The following FRMPD3 variants were observed in gnomAD, a reference collection of about 807,000 sequenced individuals.
The protein encoded by FRMPD3 is FERM and PDZ domain containing 3.
In FRMPD3, 42 loss-of-function variants were observed where a neutral mutation model predicts 97.9. The ratio of observed to expected loss-of-function variants is 0.43; its 90% CI spans 0.34 to 0.55. The LOEUF (loss-of-function observed/expected upper bound fraction) is 0.55. Ranked by LOEUF, FRMPD3 falls within the 20% of genes least tolerant of loss-of-function variation. The pLI, the probability that FRMPD3 is intolerant of heterozygous loss-of-function variation, is 0.03. For synonymous variants in FRMPD3, 577 were observed against 581.1 expected (o/e 0.99, Z 0.10); for missense variants, 1,303 against 1,457.7 (o/e 0.89, Z 1.73).
intron 1 of FRMPD3, among the ~76,000 whole-genome samples, chrX:107,485,981 T>C (rs894579507): frequency 1.8e-5 from 2 of 112,130 alleles, no homozygotes; most frequent in Non-Finnish European, 1.9e-5. Flanking sequence ...GCCTTTGTCT[T>C]CTCTGGCCGC....
chrX:107,526,647 G>A lies in FRMPD3; in HGVS notation c.59G>A (p.Arg20Gln), dbSNP rs1922708967. Residue 20 changes from arginine to glutamine, a missense_variant, in exon 2 of 15, where the codon CGA becomes CAA. Arg to Gln is a conservative substitution (Grantham distance 43). This residue lies in a region of FRMPD3 where 535 missense variants were observed against 618.6 expected (regional missense o/e 0.86). Transcript: ENST00000683843. ...GAGCAGCTGCCAGCAGAGATACTGC[G>A]ACAAGTGACCGTTCACCGAGACCCT... The part of the protein sequence containing the change: ...ECEQLPAEIL[R>Q]QVTVHRDPIY... 2.5e-6 allele frequency: 3 copies of A among 1,207,694 alleles called. No individual in the cohort carries two copies. The highest frequency in any genetic ancestry group is 4.4e-5 in the Admixed American group (2 of 45,852).
intron 1 of FRMPD3, among the ~76,000 whole-genome samples, chrX:107,462,592 T>C (rs1262115229): frequency 8.9e-6 from 1 of 111,955 alleles, no homozygotes; most frequent in Non-Finnish European, 1.9e-5. Context: ...GCTGAAAGCT[T>C]AGGGTGCAAA....
chrX:107,595,948 A>AAAAAGAAAAG lies in FRMPD3; in HGVS notation c.1442-1359_1442-1350dup, dbSNP rs774500644. ...GTGAGACTCCGTCTCAAAAAAAAAA[A>AAAAAGAAAAG]AAAAGAAAAGAAAAGAAAAGAAAGA... On this transcript the variant is annotated intron_variant, in intron 13 of 14. Transcript: ENST00000683843. Among the ~76,000 whole-genome samples, 16 of 110,554 alleles carry AAAAAGAAAAG rather than the reference A, an allele frequency of 1.4e-4. 1 individual carries two copies. Among genetic ancestry groups the AAAAAGAAAAG allele is most frequent in the Admixed American group, 2.9e-4 (3 of 10,373 alleles).
chrX:107,537,171 G>T (rs767332853), intron 4 of FRMPD3, among the ~76,000 whole-genome samples: 8 of 111,247 alleles, frequency 7.2e-5, no homozygotes, highest in Non-Finnish European at 1.5e-4. Context: ...TTACTGCCCC[G>T]TGGACTTTTG....
chrX:107,573,137 C>T (rs1922968850), intron 12 of FRMPD3, among the ~76,000 whole-genome samples: 2 of 111,380 alleles, frequency 1.8e-5, no homozygotes, highest in South Asian at 3.7e-4. Flanking sequence ...AGGCAGCTTG[C>T]GGCCAAAGGC....
chrX:107,600,979 C>A lies in FRMPD3; in HGVS notation c.2940C>A (p.Pro980=), dbSNP rs746823073. 7.5e-6 allele frequency: 9 copies of A among 1,206,513 alleles called. No individual in the cohort carries two copies. The highest frequency in any genetic ancestry group is 9.0e-6 in the Non-Finnish European group (8 of 893,809). Residue 980 remains proline (P), a synonymous_variant, in exon 15 of 15, where the codon CCC becomes CCA. Coordinates refer to ENST00000683843, the MANE Select transcript of FRMPD3 (RefSeq NM_001388459.1). The part of the protein sequence containing the change: ...VTAGGALGNP[P]SRGERRLEAS... ...CTGGTGGGGCTTTGGGGAACCCCCC[C>A]AGCAGGGGTGAGAGAAGGCTGGAGG...
intron 1 of FRMPD3, among the ~76,000 whole-genome samples, chrX:107,470,399 T>G (rs1052562406): frequency 1.8e-5 from 2 of 111,993 alleles, no homozygotes; most frequent in Non-Finnish European, 3.8e-5. Flanking sequence ...CAGGCTTCGT[T>G]TCCTCACAGG....
At chrX:107,538,540 TAAA>T (rs55749241) in intron 4 of FRMPD3, among the ~76,000 whole-genome samples, 1,321 of 63,767 alleles carry the variant, frequency 0.021, 32 homozygotes, top group African/African-American at 0.051. Context: ...CTATATTTGT[TAAA>T]AAAAAAAAAA....
At chrX:107,470,018 C>T (rs1921016119) in intron 1 of FRMPD3, among the ~76,000 whole-genome samples, 1 of 111,679 alleles carries the variant, frequency 9.0e-6, no homozygotes, top group Non-Finnish European at 1.9e-5. Context: ...CATCTAAAAT[C>T]CCCAGTGTTC....
intron 1 of FRMPD3, among the ~76,000 whole-genome samples, chrX:107,450,549 C>T (rs1457103617): frequency 9.9e-6 from 1 of 101,249 alleles, no homozygotes; most frequent in Non-Finnish European, 2.0e-5. Context: ...ACACAGTCAG[C>T]CCCATGCAAA....
At chrX:107,454,038 TC>T (rs1163565218) in intron 1 of FRMPD3, among the ~76,000 whole-genome samples, 6 of 112,105 alleles carry the variant, frequency 5.4e-5, no homozygotes, top group Admixed American at 9.4e-5. Context: ...TGCAGCTTTC[TC>T]AGCATGCATG....
chrX:107,474,463 G>A (rs767575992), intron 1 of FRMPD3, among the ~76,000 whole-genome samples: 1 of 111,034 alleles, frequency 9.0e-6, no homozygotes, highest in South Asian at 3.9e-4. Flanking sequence ...GAAGAGAGGA[G>A]TTTGAGAGAT....
chrX:107,550,196 C>G (rs190838227), intron 6 of FRMPD3, 40 bp downstream of exon 6: 2 of 884,474 alleles, frequency 2.3e-6, no homozygotes, highest in African/African-American at 2.0e-5. Context: ...ATTGCCCTCT[C>G]CAGAGTACAT....
intron 6 of FRMPD3, among the ~76,000 whole-genome samples, chrX:107,551,611 A>G (rs1410075200): frequency 5.4e-5 from 6 of 112,108 alleles, no homozygotes; most frequent in Non-Finnish European, 9.4e-5. Context: ...TGACTCCAGG[A>G]AGGGTGTGCT....
At chrX:107,549,891 T>G in intron 5 of FRMPD3, among the ~76,000 whole-genome samples, 158 bp from the exon 6 acceptor site, 1 of 111,017 alleles carries the variant, frequency 9.0e-6, no homozygotes, top group East Asian at 2.9e-4. Context: ...CTGGTCCCCA[T>G]GTATTATTGA....
chrX:107,577,839 G>A (rs1049008358), intron 13 of FRMPD3, among the ~76,000 whole-genome samples: 6 of 111,303 alleles, frequency 5.4e-5, no homozygotes, highest in Non-Finnish European at 9.4e-5. Flanking sequence ...TCATGACATT[G>A]TCCATAGGAA....
intron 14 of FRMPD3, 35 bp from the exon 15 acceptor site, chrX:107,600,268 A>G: frequency 3.5e-6 from 4 of 1,158,652 alleles, no homozygotes; most frequent in Non-Finnish European, 4.6e-6. Flanking sequence ...ACTTGATTTC[A>G]GTAAGCATAA....
At chrX:107,509,989 C>T (rs1922126824) in intron 1 of FRMPD3, among the ~76,000 whole-genome samples, 1 of 111,172 alleles carries the variant, frequency 9.0e-6, no homozygotes, top group African/African-American at 3.3e-5. Context: ...AGCCCTGATT[C>T]ACAGTAAGGG....
At chrX:107,461,205 T>C (rs1471765637) in intron 1 of FRMPD3, among the ~76,000 whole-genome samples, 1 of 112,266 alleles carries the variant, frequency 8.9e-6, no homozygotes, top group East Asian at 2.8e-4. Context: ...CATTTCATTA[T>C]TAACTTTAAG....
Sources: gnomAD v4.1 joint callset for allele counts (sites outside exome capture counted in the v4.1 genomes callset) on GRCh38, gnomAD v4.1.1 for gene constraint, gnomAD v4.1.1 regional missense constraint, MANE v1.5 for transcripts, NCBI Gene and HGNC (gene_info 2026-07-23, HGNC 2026-07-21) for gene names.